MRTFA: variants seen among roughly 807,000 people sequenced by gnomAD.
MRTFA encodes myocardin related transcription factor A.
MRTFA carries 20 observed loss-of-function variants against 83.5 expected under a neutral mutation model. That is an observed-to-expected ratio of 0.24 (90% CI 0.17 to 0.35). The LOEUF (loss-of-function observed/expected upper bound fraction) is 0.35. MRTFA is among the 10% of genes least tolerant of loss of function. The probability of loss-of-function intolerance (pLI) is 1.00; values close to 1 mark genes in which losing one functional copy is unlikely to be tolerated. For synonymous variants in MRTFA, 659 were observed against 541.2 expected (o/e 1.22, Z -3.02); for missense variants, 1,200 against 1,224.7 (o/e 0.98, Z 0.30).
At chr22:40,500,391 ATTT>A (rs1189825067) in intron 3 of MRTFA, among the ~76,000 whole-genome samples, 1 of 97,846 alleles carries the variant, frequency 1.0e-5, no homozygotes, top group African/African-American at 3.9e-5. Flanking sequence ...TTATATTTTT[ATTT>A]TTTTTAATTT....
intron 2 of MRTFA, among the ~76,000 whole-genome samples, chr22:40,580,333 G>C (rs904674997): frequency 6.6e-6 from 1 of 151,768 alleles, no homozygotes; most frequent in East Asian, 1.9e-4. Context: ...TGAGTAGCTG[G>C]GACTACAGGC....
intron 14 of MRTFA, among the ~76,000 whole-genome samples, chr22:40,413,512 T>C (rs1270420619): frequency 6.6e-6 from 1 of 152,030 alleles, no homozygotes; most frequent in Non-Finnish European, 1.5e-5. Context: ...TTTCACCATG[T>C]TGGTCAGGCT....
At chr22:40,424,034 A>C (rs2052899945) in intron 8 of MRTFA, among the ~76,000 whole-genome samples, 172 bp downstream of exon 8, 1 of 152,196 alleles carries the variant, frequency 6.6e-6, no homozygotes, top group Non-Finnish European at 1.5e-5. Context: ...GCCACTGCCC[A>C]CATCTCCCAC....
At chr22:40,566,410 C>T (rs956774835) in intron 2 of MRTFA, among the ~76,000 whole-genome samples, 9 of 152,022 alleles carry the variant, frequency 5.9e-5, no homozygotes, top group African/African-American at 1.7e-4. Flanking sequence ...TTAGTAGAGA[C>T]GGGCTTTCAC....
intron 2 of MRTFA, among the ~76,000 whole-genome samples, chr22:40,554,370 T>G (rs2055488108): frequency 6.6e-6 from 1 of 152,144 alleles, no homozygotes. Context: ...AATCCCCATG[T>G]GTTGTGGGAG....
intron 1 of MRTFA, among the ~76,000 whole-genome samples, chr22:40,632,143 C>T (rs560426388): frequency 1.1e-4 from 16 of 152,312 alleles, no homozygotes; most frequent in South Asian, 2.1e-4. Context: ...GGCATTCATG[C>T]GGAGAGGCCC....
At chr22:40,439,504 CAAAAA>C (rs756033541) in intron 4 of MRTFA, among the ~76,000 whole-genome samples, 4 of 32,128 alleles carry the variant, frequency 1.2e-4, no homozygotes, top group East Asian at 7.2e-4. Context: ...GACTCTGTCT[CAAAAA>C]AAAAAAAAAA....
intron 3 of MRTFA, among the ~76,000 whole-genome samples, chr22:40,474,756 GAA>G (rs1347359435): frequency 1.3e-5 from 2 of 152,222 alleles, no homozygotes; most frequent in African/African-American, 4.8e-5. Flanking sequence ...TAATTTGTGT[GAA>G]GAGTATTTCC....
chr22:40,619,808 C>A (rs1423535542), intron 1 of MRTFA, among the ~76,000 whole-genome samples: 3 of 144,282 alleles, frequency 2.1e-5, no homozygotes, highest in African/African-American at 7.7e-5. Context: ...AAGAATGGTG[C>A]AAACCTGGGA....
chr22:40,566,762 G>A (rs186786045), intron 2 of MRTFA, among the ~76,000 whole-genome samples: 1 of 152,332 alleles, frequency 6.6e-6, no homozygotes, highest in East Asian at 1.9e-4. Flanking sequence ...GAACCCGCGA[G>A]GCGGAGGTTG....
intron 9 of MRTFA, among the ~76,000 whole-genome samples, chr22:40,422,877 GA>G (rs1321107153): frequency 6.6e-6 from 1 of 152,228 alleles, no homozygotes; most frequent in Admixed American, 6.5e-5. Flanking sequence ...TGGGGAATAA[GA>G]AAGGACAGAG....
chr22:40,587,011 G>C, intron 2 of MRTFA: 1 of 478,462 alleles, frequency 2.1e-6, no homozygotes, highest in East Asian at 6.4e-5. Flanking sequence ...GTGTTGCAGA[G>C]CATGGTCTTT....
chr22:40,568,008 G>C (rs9619878), intron 2 of MRTFA, among the ~76,000 whole-genome samples: 27,914 of 152,080 alleles, frequency 0.18, 3,487 homozygotes, highest in Admixed American at 0.38. Flanking sequence ...CATAAAAAAA[G>C]AACCTGTCAT....
intron 4 of MRTFA, among the ~76,000 whole-genome samples, chr22:40,449,274 G>GAAAA (rs35140973): frequency 1.1e-5 from 1 of 87,996 alleles, no homozygotes. Flanking sequence ...CTCCAAACGA[G>GAAAA]AAAAAAAAAA....
intron 1 of MRTFA, among the ~76,000 whole-genome samples, chr22:40,628,653 G>C (rs1201650731): frequency 6.8e-6 from 1 of 147,116 alleles, no homozygotes; most frequent in Non-Finnish European, 1.5e-5. Flanking sequence ...AAATGTGGAA[G>C]TAAAAAAAAA....
rs557596134 is a variant in MRTFA, at chr22:40,483,788, G to A, written c.242-20502C>T. On this transcript the variant is annotated intron_variant, in intron 3 of 14. Transcript: ENST00000355630. Reference sequence around the variant, plus strand: ...TGGCTCACTGCAGCCTTGACCTCCCGGACTCAATCAGTCCTCCCACCTCAG... The same window carrying A: ...TGGCTCACTGCAGCCTTGACCTCCCAGACTCAATCAGTCCTCCCACCTCAG... Among the ~76,000 whole-genome samples, 260 of 152,134 alleles carry A rather than the reference G, an allele frequency of 1.7e-3. 4 individuals are homozygous for A. Among genetic ancestry groups the A allele is most frequent in the African/African-American group, 6.0e-3 (250 of 41,478 alleles).
Position 40,411,903 on chromosome 22 carries a change from A to G in MRTFA, c.2583T>C (p.Ile861=), listed in dbSNP as rs771497650. 1.6e-5 allele frequency: 23 copies of G among 1,480,722 alleles called. 1 individual carries two copies. The Admixed American group carries it at 3.2e-4, about 20-fold the overall frequency. 91.7% of individuals were successfully genotyped at this position (1,480,722 alleles called of 1,614,324 possible). ...ATGGCGGCTCCTTGAAATCTGCTGA[A>G]ATTTCTGCCAATCAATCAAGAGAGT... The change falls in exon 15 of 15, where the codon ATT becomes ATC. Residue 861 remains isoleucine, a synonymous_variant. Transcript: ENST00000355630.
At chr22:40,441,744 G>T (rs183787490) in intron 4 of MRTFA, among the ~76,000 whole-genome samples, 4 of 151,756 alleles carry the variant, frequency 2.6e-5, no homozygotes, top group Non-Finnish European at 4.4e-5. Context: ...CCGAGACCGT[G>T]ACACTGTACT....
chr22:40,493,559 A>G (rs1436248079), intron 3 of MRTFA, among the ~76,000 whole-genome samples: 1 of 152,222 alleles, frequency 6.6e-6, no homozygotes, highest in Non-Finnish European at 1.5e-5. Flanking sequence ...AAAATGAAAG[A>G]GGAAAAATTT....
Sources: allele counts gnomAD v4.1 joint callset (sites outside exome capture counted in the v4.1 genomes callset), GRCh38; gene constraint gnomAD v4.1.1; transcripts MANE v1.5; gene names NCBI Gene and HGNC (gene_info 2026-07-23, HGNC 2026-07-21).